The following CASC3 variants were observed in gnomAD, a reference collection of about 807,000 sequenced individuals.
The protein encoded by CASC3 is CASC3 exon junction complex subunit.
In CASC3, 30 loss-of-function variants were observed where a neutral mutation model predicts 80.5. That is an observed-to-expected ratio of 0.37 (90% confidence interval 0.28 to 0.51). The LOEUF (loss-of-function observed/expected upper bound fraction) is 0.51. CASC3 is among the 20% of genes least tolerant of loss of function. The pLI is 0.94. For synonymous variants in CASC3, 312 were observed against 333.6 expected (o/e 0.94, Z 0.70); for missense variants, 824 against 922.2 (o/e 0.89, Z 1.38).
rs1380060626 is a variant in CASC3, at chr17:40,170,623, ACT to A, written c.*221_*222del. ...AACAAGTGGACCTCGTCCCATCTTCACTCTTCACTTGAGTTGGCTGTGTTCGG... is the reference window on the plus strand; with the variant it reads ...AACAAGTGGACCTCGTCCCATCTTCACTTCACTTGAGTTGGCTGTGTTCGG... On this transcript the variant is annotated 3_prime_UTR_variant, in exon 14 of 14. Coordinates refer to ENST00000264645, the MANE Select transcript of CASC3 (RefSeq NM_007359.5). The A allele has an allele frequency of 4.6e-5, 45 of 985,220 alleles. No homozygotes were observed. Among genetic ancestry groups the A allele is most frequent in the Non-Finnish European group, 5.3e-5 (44 of 829,910 alleles). The allele number at this position is 985,220 out of a possible 1,614,324, so 61.0% of individuals were successfully genotyped here.
chr17:40,166,933 G>T, intron 8 of CASC3, 72 bp downstream of exon 8: 1 of 1,067,960 alleles, frequency 9.4e-7, no homozygotes, highest in Non-Finnish European at 1.4e-6. Flanking sequence ...TTTAAACCAA[G>T]ATAAGGTCTT....
intron 3 of CASC3, among the ~76,000 whole-genome samples, chr17:40,146,393 A>T: frequency 6.7e-6 from 1 of 149,832 alleles, no homozygotes; most frequent in East Asian, 2.0e-4. Flanking sequence ...TGGAGCAGCA[A>T]CTCTCTGTTG....
At chr17:40,169,495 T>A (rs747743940) in intron 12 of CASC3, 49 bp downstream of exon 12, 20 of 1,579,878 alleles carry the variant, frequency 1.3e-5, no homozygotes, top group Non-Finnish European at 1.7e-5. Flanking sequence ...GTCAGTGGGC[T>A]TTCCTTCTCC....
In CASC3 at chr17:40,171,319, T is replaced by A; in HGVS notation, c.*914T>A. Reference sequence around the variant, plus strand: ...CCTTTAGGGGTGTGTATTCACATAGTCCTCAGGGCTCAGTCTTTTGAGGTA... The same window carrying A: ...CCTTTAGGGGTGTGTATTCACATAGACCTCAGGGCTCAGTCTTTTGAGGTA... On this transcript the variant is annotated 3_prime_UTR_variant, in exon 14 of 14. Transcript: ENST00000264645. The A allele has an allele frequency of 3.0e-6, 3 of 986,030 alleles. No homozygotes were observed. Among genetic ancestry groups the A allele is most frequent in the Non-Finnish European group, 3.6e-6 (3 of 829,950 alleles). 61.1% of individuals were successfully genotyped at this position (986,030 alleles called of 1,614,324 possible). A position where few individuals can be genotyped will look rare whatever the true frequency, so the allele number is the denominator to read the frequency against.
In CASC3 at chr17:40,164,177, T is replaced by C; in HGVS notation, c.1471+11T>C. 6.3e-7 allele frequency: 1 copy of C among 1,583,750 alleles called. No individual in the cohort carries two copies. Among genetic ancestry groups the C allele is most frequent in the Non-Finnish European group, 8.6e-7 (1 of 1,168,124 alleles). On this transcript the variant is annotated intron_variant, in intron 7 of 13. Coordinates refer to ENST00000264645, the MANE Select transcript of CASC3 (RefSeq NM_007359.5). Reference sequence around the variant, plus strand: ...CACGGGAACTTCGAGGTAGGTATCATAGGATTGGTGGCTAGCTTTTTCCCC... The same window carrying C: ...CACGGGAACTTCGAGGTAGGTATCACAGGATTGGTGGCTAGCTTTTTCCCC...
Position 40,170,571 on chromosome 17 carries a change from TGAGGACAGG to T in CASC3, c.*167_*175del, listed in dbSNP as rs1188166090. On this transcript the variant is annotated 3_prime_UTR_variant, in exon 14 of 14. Coordinates refer to ENST00000264645, the MANE Select transcript of CASC3 (RefSeq NM_007359.5). ...AAAGAGGAGGACCCCTGCCTTCCTCTGAGGACAGGCTCTAGAGAGAGGGAGAAACAAGTG... is the reference window on the plus strand; with the variant it reads ...AAAGAGGAGGACCCCTGCCTTCCTCTCTCTAGAGAGAGGGAGAAACAAGTG... 1 of 985,464 alleles carries T rather than the reference TGAGGACAGG, an allele frequency of 1.0e-6. No individual in the cohort carries two copies. Among genetic ancestry groups the T allele is most frequent in the African/African-American group, 1.7e-5 (1 of 57,228 alleles). The allele number at this position is 985,464 out of a possible 1,614,324, so 61.0% of individuals were successfully genotyped here.
intron 3 of CASC3, among the ~76,000 whole-genome samples, chr17:40,148,034 T>A (rs951943277): frequency 1.3e-5 from 2 of 152,236 alleles, no homozygotes; most frequent in Non-Finnish European, 2.9e-5. Flanking sequence ...TTTCTTATTA[T>A]AACTTTATGG....
intron 3 of CASC3, among the ~76,000 whole-genome samples, chr17:40,143,277 C>T (rs1988770327): frequency 6.6e-6 from 1 of 151,730 alleles, no homozygotes; most frequent in Non-Finnish European, 1.5e-5. Context: ...AAAACTCCAT[C>T]TCTACTAAAA....
At position 40,163,771 on chromosome 17, in the gene CASC3, T is replaced by C. The variant is rs1892009499; in HGVS notation, c.1076T>C (p.Val359Ala). ...YRSRRLEQTS[V>A]RDPSPEADAP... ...TCACGGCGCCTAGAGCAGACTTCTG[T>C]GAGGGATCCATCTCCAGAAGCAGAT... Residue 359 changes from valine to alanine, a missense_variant, in exon 7 of 14, where the codon GTG (valine) becomes GCG (alanine). Val to Ala is a moderately conservative substitution (Grantham distance 64, BLOSUM62 0). Transcript: ENST00000264645. 1 of 1,613,972 alleles carries C rather than the reference T, an allele frequency of 6.2e-7. No individual in the cohort carries two copies. Among genetic ancestry groups the C allele is most frequent in the Non-Finnish European group, 8.5e-7 (1 of 1,180,030 alleles).
At position 40,171,276 on chromosome 17, in the gene CASC3, G is replaced by A; in HGVS notation, c.*871G>A. On this transcript the variant is annotated 3_prime_UTR_variant, in exon 14 of 14. Coordinates refer to ENST00000264645, the MANE Select transcript of CASC3 (RefSeq NM_007359.5). ...CAGATGCTTTTGTGAGAAAGGGATG[G>A]TGGAGTGAGAGCCTTTGCCTTTAGG... 1 of 986,028 alleles carries A rather than the reference G, an allele frequency of 1.0e-6. No homozygotes were observed. The highest frequency in any genetic ancestry group is 1.1e-4 in the East Asian group (1 of 8,950). The allele number at this position is 986,028 out of a possible 1,614,324, so 61.1% of individuals were successfully genotyped here.
chr17:40,143,501 G>A, intron 3 of CASC3, among the ~76,000 whole-genome samples: 1 of 151,818 alleles, frequency 6.6e-6, no homozygotes, highest in South Asian at 2.1e-4. Flanking sequence ...TTTGCAACAT[G>A]GTGACTACAG....
chr17:40,157,055 AAG>A (rs1196717991), intron 3 of CASC3, among the ~76,000 whole-genome samples: 2 of 151,920 alleles, frequency 1.3e-5, no homozygotes, highest in Non-Finnish European at 2.9e-5. Context: ...AAAAAAATAA[AAG>A]GGGGTTGGCC....
intron 3 of CASC3, among the ~76,000 whole-genome samples, chr17:40,149,917 AAAAG>A (rs1446621090): frequency 6.6e-6 from 1 of 152,216 alleles, no homozygotes; most frequent in Non-Finnish European, 1.5e-5. Flanking sequence ...CGTCTCAAAA[AAAAG>A]GGAAAAAAAA....
intron 3 of CASC3, among the ~76,000 whole-genome samples, chr17:40,145,463 C>A (rs1315883142): frequency 6.6e-6 from 1 of 151,966 alleles, no homozygotes; most frequent in Admixed American, 6.6e-5. Flanking sequence ...TGAGCTACTG[C>A]GCCTGGCCCA....
In CASC3 at chr17:40,168,239, A is replaced by G. The variant is rs757278645; in HGVS notation, c.1787A>G (p.Asn596Ser). The G allele has an allele frequency of 2.5e-6, 4 of 1,613,960 alleles. No individual in the cohort carries two copies. Among genetic ancestry groups the G allele is most frequent in the Middle Eastern group, 1.6e-4 (1 of 6,062 alleles). ...HPHQTPAPLP[N>S]PGLYPPPVSM... ...CACCAGACACCAGCTCCTCTGCCCA[A>G]TCCAGGCCTCTATCCCCCACCAGTG... Residue 596 changes from asparagine to serine, a missense_variant, in exon 11 of 14, where the codon AAT (asparagine) becomes AGT (serine). Coordinates refer to ENST00000264645, the MANE Select transcript of CASC3 (RefSeq NM_007359.5).
chr17:40,150,272 T>C (rs559184978), intron 3 of CASC3, among the ~76,000 whole-genome samples: 143 of 152,006 alleles, frequency 9.4e-4, no homozygotes, highest in African/African-American at 3.1e-3. Flanking sequence ...CTTGGGAGCT[T>C]GGAGTGGGAG....
intron 3 of CASC3, 148 bp downstream of exon 3, chr17:40,141,755 T>C: frequency 2.7e-6 from 2 of 750,910 alleles, no homozygotes; most frequent in Admixed American, 4.5e-5. Context: ...TTACAGAAGG[T>C]CTTGTTCACT....
intron 11 of CASC3, chr17:40,168,960 CTA>C (rs1989523137): frequency 4.8e-6 from 1 of 206,496 alleles, no homozygotes; most frequent in Admixed American, 5.3e-5. Flanking sequence ...GGTTTTTACT[CTA>C]TTGCATAAAG....
At chr17:40,141,010 ATGTTTT>A in intron 1 of CASC3, 191 bp from the exon 2 acceptor site, 2 of 637,074 alleles carry the variant, frequency 3.1e-6, no homozygotes, top group South Asian at 4.0e-5. Flanking sequence ...TGGAAAGCGG[ATGTTTT>A]ATTCAGAAGT....
Sources: gnomAD v4.1 joint callset for allele counts (sites outside exome capture counted in the v4.1 genomes callset) on GRCh38, gnomAD v4.1.1 for gene constraint, MANE v1.5 for transcripts, NCBI Gene and HGNC (gene_info 2026-07-23, HGNC 2026-07-21) for gene names.